SEC23B: variants seen among roughly 807,000 people sequenced by gnomAD.
The protein encoded by SEC23B is protein transport protein Sec23B.
In SEC23B, 77 loss-of-function variants were observed where a neutral mutation model predicts 104.3. The ratio of observed to expected loss-of-function variants is 0.74; its 90% CI spans 0.61 to 0.89. SEC23B has a LOEUF of 0.89. Ranked by LOEUF, SEC23B falls within the 40% of genes least tolerant of loss-of-function variation. The pLI is 0.00. For synonymous variants in SEC23B, 338 were observed against 332.5 expected, an observed-to-expected ratio of 1.02 and a Z score of -0.18; for missense variants, 885 against 949.4, an observed-to-expected ratio of 0.93 and a Z score of 0.89.
chr20:18,549,493 T>C (rs1485806134), intron 16 of SEC23B, among the ~76,000 whole-genome samples: 1 of 152,158 alleles, frequency 6.6e-6, no homozygotes, highest in East Asian at 1.9e-4. Context: ...GTTGAATTTA[T>C]AGATGTGGAA....
chr20:18,554,077 C>T (rs1351850258), intron 17 of SEC23B, among the ~76,000 whole-genome samples, 158 bp from the exon 18 acceptor site: 4 of 152,170 alleles, frequency 2.6e-5, no homozygotes, highest in South Asian at 4.1e-4. Flanking sequence ...CTCCTCCTGC[C>T]GGTAGCTCTG....
chr20:18,536,808 A>G (rs548933720), intron 12 of SEC23B, among the ~76,000 whole-genome samples: 39 of 152,334 alleles, frequency 2.6e-4, no homozygotes, highest in African/African-American at 7.9e-4. Flanking sequence ...TTTGTAAGTA[A>G]TATATATTAT....
chr20:18,525,147 C>T, intron 6 of SEC23B, 127 bp downstream of exon 6: 3 of 936,848 alleles, frequency 3.2e-6, no homozygotes, highest in Non-Finnish European at 5.1e-6. Context: ...ATGATTAAGC[C>T]TAATCAATAT....
At chr20:18,548,361 C>A (rs1293540325) in intron 15 of SEC23B, among the ~76,000 whole-genome samples, 6 of 152,148 alleles carry the variant, frequency 3.9e-5, no homozygotes, top group Non-Finnish European at 8.8e-5. Context: ...ACGTGTATTC[C>A]CATTATTGAG....
Position 18,512,294 on chromosome 20 carries a change from ATTT to A in SEC23B, c.279+15_279+17del. The stretch of plus-strand genomic sequence containing the variant: ...TTCAAAGAAATCAGGTATGTGAATT[ATTT>A]TTAAAAAATGTTATATGTTTTATTT... On this transcript the variant is annotated intron_variant, in intron 3 of 19. Coordinates refer to ENST00000650089, the MANE Select transcript of SEC23B (RefSeq NM_006363.6). 7 of 1,510,580 alleles carry A rather than the reference ATTT, an allele frequency of 4.6e-6. No individual in the cohort carries two copies. Among genetic ancestry groups the A allele is most frequent in the Non-Finnish European group, 6.4e-6 (7 of 1,092,946 alleles). 93.6% of individuals were successfully genotyped at this position (1,510,580 alleles called of 1,614,324 possible).
intron 19 of SEC23B, 51 bp from the exon 20 acceptor site, chr20:18,560,600 C>A: frequency 7.0e-7 from 1 of 1,437,372 alleles, no homozygotes; most frequent in South Asian, 1.1e-5. Flanking sequence ...CTCATGAATT[C>A]TAATCAGCTT....
At chr20:18,516,696 C>T (rs1214470187) in intron 4 of SEC23B, among the ~76,000 whole-genome samples, 5 of 151,940 alleles carry the variant, frequency 3.3e-5, no homozygotes, top group Admixed American at 1.3e-4. Flanking sequence ...GGATTACAGG[C>T]GCCTGCCACC....
In SEC23B at chr20:18,519,515, G is replaced by T. The variant is rs150983497; in HGVS notation, c.366+3779G>T. On this transcript the variant is annotated intron_variant, in intron 4 of 19. Coordinates refer to ENST00000650089, the MANE Select transcript of SEC23B (RefSeq NM_006363.6). Reference sequence around the variant, plus strand: ...GGCCAGCCTAAAACAGTAAGGTCAAGTTGTTTGGACAAAAAGGCTACAGTG... The same window carrying T: ...GGCCAGCCTAAAACAGTAAGGTCAATTTGTTTGGACAAAAAGGCTACAGTG... 2.4e-3 allele frequency among the ~76,000 whole-genome samples: 361 copies of T among 152,332 alleles called. 2 individuals are homozygous for T. Among genetic ancestry groups the T allele is most frequent in the Non-Finnish European group, 2.7e-3 (182 of 68,036 alleles).
At chr20:18,538,569 A>G (rs1427233915) in intron 12 of SEC23B, among the ~76,000 whole-genome samples, 1 of 152,170 alleles carries the variant, frequency 6.6e-6, no homozygotes, top group East Asian at 1.9e-4. Flanking sequence ...TCTTGAAATA[A>G]GGCAACAATG....
chr20:18,529,312 CCTT>C (rs1324625610), intron 9 of SEC23B, among the ~76,000 whole-genome samples: 3 of 152,172 alleles, frequency 2.0e-5, no homozygotes, highest in African/African-American at 7.2e-5. Context: ...TCAAGAAGGG[CCTT>C]TCTTAACAGA....
At chr20:18,543,983 C>T (rs1269705442) in intron 14 of SEC23B, among the ~76,000 whole-genome samples, 1 of 152,140 alleles carries the variant, frequency 6.6e-6, no homozygotes, top group South Asian at 2.1e-4. Flanking sequence ...ACCTGGCACC[C>T]GGGAAGCTGC....
At chr20:18,549,331 C>A (rs1400619596) in intron 16 of SEC23B, among the ~76,000 whole-genome samples, 2 of 152,016 alleles carry the variant, frequency 1.3e-5, no homozygotes, top group Non-Finnish European at 2.9e-5. Flanking sequence ...TACTTTAAAT[C>A]ATCTCTAGAT....
Position 18,542,370 on chromosome 20 carries a change from G to A in SEC23B, c.1479G>A (p.Gln493=). ...FVTHYQHSST[Q]RRIRVTTIAR... is the part of the protein sequence containing the mutation. Reference sequence around the variant, plus strand: ...CGCATTATCAGCACTCCAGCACCCAGAGACGCATCCGCGTGACCACCATCG... The same window carrying A: ...CGCATTATCAGCACTCCAGCACCCAAAGACGCATCCGCGTGACCACCATCG... Residue 493 remains glutamine (Q), a synonymous_variant, in exon 13 of 20, where the codon CAG becomes CAA. Coordinates refer to ENST00000650089, the MANE Select transcript of SEC23B (RefSeq NM_006363.6). 1 of 1,614,250 alleles carries A rather than the reference G, an allele frequency of 6.2e-7. No individual in the cohort carries two copies. Among genetic ancestry groups the A allele is most frequent in the South Asian group, 1.1e-5 (1 of 91,090 alleles).
intron 3 of SEC23B, among the ~76,000 whole-genome samples, chr20:18,513,870 TCAGATC>T (rs2060002411): frequency 6.6e-6 from 1 of 152,174 alleles, no homozygotes; most frequent in Non-Finnish European, 1.5e-5. Context: ...GGTTTGGCTC[TCAGATC>T]TACCACTTAT....
chr20:18,526,536 G>A lies in SEC23B; in HGVS notation c.993+5G>A. 1 of 1,614,108 alleles carries A rather than the reference G, an allele frequency of 6.2e-7. No individual in the cohort carries two copies. Among genetic ancestry groups the A allele is most frequent in the South Asian group, 1.1e-5 (1 of 91,072 alleles). ...TTCATGAAAAAGGCAACCAAGGTAG[G>A]TGCTCTTGGGTATGGGCTGTAATTC... is the stretch of plus-strand genomic sequence containing the variant. On this transcript the variant is annotated splice_donor_5th_base_variant and intron_variant, in intron 8 of 19. Coordinates refer to ENST00000650089, the MANE Select transcript of SEC23B (RefSeq NM_006363.6).
At chr20:18,532,023 A>G (rs1278719138) in intron 10 of SEC23B, among the ~76,000 whole-genome samples, 3 of 152,194 alleles carry the variant, frequency 2.0e-5, no homozygotes, top group Non-Finnish European at 4.4e-5. Flanking sequence ...ATGCCACTGC[A>G]CTCAGCCTGG....
chr20:18,524,968 A>G lies in SEC23B; in HGVS notation c.637A>G (p.Met213Val), dbSNP rs753340097. 5 of 1,613,872 alleles carry G rather than the reference A, an allele frequency of 3.1e-6. No homozygotes were observed. Among genetic ancestry groups the G allele is most frequent in the South Asian group, 1.1e-5 (1 of 91,074 alleles). ...MLGLTKPAMPMQQARPAQPQE... is the reference protein window; with the variant it reads ...MLGLTKPAMPVQQARPAQPQE... ...GGGCCTGACCAAGCCAGCCATGCCC[A>G]TGCAGCAAGCACGACCTGCACAACC... Residue 213 changes from methionine (M) to valine (V), a missense_variant, in exon 6 of 20, where the codon ATG becomes GTG. Met to Val is a conservative substitution (Grantham distance 21, BLOSUM62 1). Transcript: ENST00000650089.
At chr20:18,534,241 G>A (rs12481256) in intron 11 of SEC23B, among the ~76,000 whole-genome samples, 28,648 of 151,972 alleles carry the variant, frequency 0.19, 2,917 homozygotes, top group East Asian at 0.36. Flanking sequence ...TAAAAATAAC[G>A]ATGTTCTCCT....
chr20:18,557,745 C>CTTTTTTTTTTTTTTTTTTTTT (rs11477198), intron 19 of SEC23B, among the ~76,000 whole-genome samples: 12 of 116,826 alleles, frequency 1.0e-4, no homozygotes, highest in Admixed American at 2.8e-4. Flanking sequence ...TTTTTCTTTT[C>CTTTTTTTTTTTTTTTTTTTTT]TTTTTTTTTT....
Sources: gnomAD v4.1 joint callset for allele counts (sites outside exome capture counted in the v4.1 genomes callset) on GRCh38, gnomAD v4.1.1 for gene constraint, MANE v1.5 for transcripts, NCBI Gene and HGNC (gene_info 2026-07-23, HGNC 2026-07-21) for gene names.